The following DLGAP2 variants were observed in gnomAD, a reference collection of about 807,000 sequenced individuals.
The protein encoded by DLGAP2 is disks large-associated protein 2.
A neutral mutation model predicts 100.3 loss-of-function variants in DLGAP2; 26 were observed. The ratio of observed to expected loss-of-function variants is 0.26; its 90% confidence interval spans 0.19 to 0.36. The LOEUF (loss-of-function observed/expected upper bound fraction) is 0.36. Ranked by LOEUF, DLGAP2 falls within the 10% of genes least tolerant of loss-of-function variation. The pLI, the probability that DLGAP2 is intolerant of heterozygous loss-of-function variation, is 1.00. For synonymous variants in DLGAP2, 886 were observed against 630.1 expected, an observed-to-expected ratio of 1.41 and a Z score of -6.08; for missense variants, 1,858 against 1,453.2, an observed-to-expected ratio of 1.28 and a Z score of -4.53.
At chr8:1,360,454 C>G (rs1269394482) in intron 3 of DLGAP2, among the ~76,000 whole-genome samples, 2 of 133,398 alleles carry the variant, frequency 1.5e-5, no homozygotes, top group Admixed American at 7.3e-5. Flanking sequence ...TTTGCCCACT[C>G]CAGGAAGCAA....
At chr8:1,466,738 G>A (rs147435188) in intron 3 of DLGAP2, among the ~76,000 whole-genome samples, 45 of 152,264 alleles carry the variant, frequency 3.0e-4, no homozygotes, top group South Asian at 1.0e-3. Flanking sequence ...GTGAGAGGAA[G>A]GAAATGATCA....
chr8:819,501 T>A (rs1796545953), intron 1 of DLGAP2, among the ~76,000 whole-genome samples: 1 of 152,144 alleles, frequency 6.6e-6, no homozygotes, highest in East Asian at 1.9e-4. Flanking sequence ...CTCTACTATC[T>A]TGGGAAAATA....
At chr8:1,048,463 G>T (rs980165359) in intron 2 of DLGAP2, among the ~76,000 whole-genome samples, 1 of 151,990 alleles carries the variant, frequency 6.6e-6, no homozygotes, top group Non-Finnish European at 1.5e-5. Context: ...TCGTCTGTGC[G>T]TCTGTGCTCA....
At position 1,472,080 on chromosome 8, in the gene DLGAP2, G is replaced by A. The variant is rs1798817918; in HGVS notation, c.107-29286G>A. ...CTCATAGCAGCCACGATTGAGCGTG[G>A]GAGTGAGACAGAGGGCCTGAGGCGT... On this transcript the variant is annotated intron_variant, in intron 3 of 14. Transcript: ENST00000637795. 2.0e-5 allele frequency among the ~76,000 whole-genome samples: 3 copies of A among 152,242 alleles called. No homozygotes were observed. In the South Asian group the frequency reaches 6.2e-4, roughly 32 times the overall value.
intron 1 of DLGAP2, among the ~76,000 whole-genome samples, chr8:853,557 A>ATT (rs1797220633): frequency 6.6e-6 from 1 of 151,600 alleles, no homozygotes; most frequent in African/African-American, 2.4e-5. Flanking sequence ...CCAGGGCCAG[A>ATT]CTCACCCCTC....
chr8:1,689,269 G>A (rs1237100779), intron 12 of DLGAP2, among the ~76,000 whole-genome samples: 1 of 152,274 alleles, frequency 6.6e-6, no homozygotes, highest in Non-Finnish European at 1.5e-5. Context: ...CCCGGACCCC[G>A]TGAGTCAGGC....
intron 1 of DLGAP2, among the ~76,000 whole-genome samples, chr8:902,901 A>T (rs1380268663): frequency 1.8e-5 from 1 of 55,552 alleles, no homozygotes; most frequent in Non-Finnish European, 3.4e-5. Flanking sequence ...GGGTGGGTGG[A>T]ACGTGTGCGG....
At position 974,039 on chromosome 8, in the gene DLGAP2, G is replaced by A. The variant is rs181455634; in HGVS notation, c.73+66073G>A. Among the ~76,000 whole-genome samples, 17 of 152,188 alleles carry A rather than the reference G, an allele frequency of 1.1e-4. No individual in the cohort carries two copies. The East Asian group carries it at 3.1e-3, about 28-fold the overall frequency. ...GAACTGTAGGAGAAATACAAAAGAA[G>A]TAACATATGTGGAATGGTAATACCA... On this transcript the variant is annotated intron_variant, in intron 2 of 14. Coordinates refer to ENST00000637795, the MANE Select transcript of DLGAP2 (RefSeq NM_001346810.2).
At chr8:942,661 A>C (rs1441696502) in intron 2 of DLGAP2, among the ~76,000 whole-genome samples, 1 of 152,222 alleles carries the variant, frequency 6.6e-6, no homozygotes, top group Non-Finnish European at 1.5e-5. Flanking sequence ...GAAAGCTTTC[A>C]TCGTATTTCA....
intron 3 of DLGAP2, among the ~76,000 whole-genome samples, chr8:1,268,326 T>G (rs561904599): frequency 2.0e-5 from 3 of 152,328 alleles, no homozygotes; most frequent in African/African-American, 7.2e-5. Flanking sequence ...ATTGTTGAAT[T>G]TTGAAGCATA....
intron 2 of DLGAP2, among the ~76,000 whole-genome samples, chr8:972,392 G>T (rs1200269655): frequency 6.6e-6 from 1 of 152,150 alleles, no homozygotes; most frequent in Non-Finnish European, 1.5e-5. Flanking sequence ...AAAAAAAGTG[G>T]ACACTGACAA....
At chr8:1,121,177 A>G (rs1796036465) in intron 2 of DLGAP2, among the ~76,000 whole-genome samples, 1 of 142,924 alleles carries the variant, frequency 7.0e-6, no homozygotes, top group Non-Finnish European at 1.5e-5. Flanking sequence ...GTTAGATCCC[A>G]TGACCACCCG....
At chr8:1,536,150 G>A (rs529415693) in intron 4 of DLGAP2, among the ~76,000 whole-genome samples, 1 of 152,196 alleles carries the variant, frequency 6.6e-6, no homozygotes, top group East Asian at 1.9e-4. Flanking sequence ...CAGGAGAACT[G>A]TTGGTTGATG....
intron 2 of DLGAP2, among the ~76,000 whole-genome samples, chr8:1,220,189 G>C (rs1798289682): frequency 6.6e-6 from 1 of 152,040 alleles, no homozygotes; most frequent in African/African-American, 2.4e-5. Context: ...AGTTTCTTTA[G>C]GTGTGGTGTT....
At chr8:870,496 T>G (rs1432270292) in intron 1 of DLGAP2, among the ~76,000 whole-genome samples, 9 of 152,130 alleles carry the variant, frequency 5.9e-5, no homozygotes, top group Non-Finnish European at 1.3e-4. Flanking sequence ...TTCCTGCACT[T>G]TCTCACCCCT....
rs192955400 is a variant in DLGAP2, at chr8:749,535, C to T, written c.18+11710C>T. 4.2e-4 allele frequency among the ~76,000 whole-genome samples: 64 copies of T among 152,008 alleles called. 1 individual carries two copies. Among genetic ancestry groups the T allele is most frequent in the Non-Finnish European group, 7.6e-4 (52 of 67,994 alleles). ...CATCCTTTTATAAGTTAATTTTCATCGATGTGTAATGTTCCCGTATGGAGT... is the reference window on the plus strand; with the variant it reads ...CATCCTTTTATAAGTTAATTTTCATTGATGTGTAATGTTCCCGTATGGAGT... On this transcript the variant is annotated intron_variant, in intron 1 of 14. Transcript: ENST00000637795.
intron 2 of DLGAP2, among the ~76,000 whole-genome samples, chr8:1,054,492 T>C (rs552088021): frequency 8.5e-5 from 13 of 152,228 alleles, no homozygotes; most frequent in Non-Finnish European, 1.5e-4. Context: ...ATAAGTGCTG[T>C]CATTAAAGTA....
chr8:919,417 G>C (rs1798662057), intron 2 of DLGAP2, among the ~76,000 whole-genome samples: 1 of 152,156 alleles, frequency 6.6e-6, no homozygotes, highest in African/African-American at 2.4e-5. Context: ...AGCGTGAGTG[G>C]GGAAGGGAAG....
intron 4 of DLGAP2, among the ~76,000 whole-genome samples, chr8:1,506,403 G>A (rs1004936525): frequency 1.3e-5 from 2 of 152,182 alleles, no homozygotes; most frequent in Non-Finnish European, 2.9e-5. Flanking sequence ...TCCGGAGTTT[G>A]TTCCTTTTAA....
Sources: allele counts gnomAD v4.1 joint callset (sites outside exome capture counted in the v4.1 genomes callset), GRCh38; gene constraint gnomAD v4.1.1; transcripts MANE v1.5; gene names NCBI Gene and HGNC (gene_info 2026-07-23, HGNC 2026-07-21).